The following CTNNA2 variants were observed in gnomAD, a reference collection of about 807,000 sequenced individuals.
CTNNA2 encodes catenin alpha-2.
In CTNNA2, 42 loss-of-function variants were observed where a neutral mutation model predicts 101.0. The observed-to-expected ratio is 0.42, with a 90% CI of 0.32 to 0.54. The LOEUF is 0.54. Among genes scored for constraint, CTNNA2 ranks in the 20% least tolerant of loss-of-function variants. The pLI is 0.14. For synonymous variants in CTNNA2, 450 were observed against 456.4 expected, an observed-to-expected ratio of 0.99 and a Z score of 0.18; for missense variants, 871 against 1,223.1, an observed-to-expected ratio of 0.71 and a Z score of 4.29.
intron 9 of CTNNA2, among the ~76,000 whole-genome samples, chr2:80,530,024 G>A (rs533976736): frequency 1.3e-5 from 2 of 152,184 alleles, no homozygotes; most frequent in Non-Finnish European, 2.9e-5. Flanking sequence ...TCTAGAGCTA[G>A]CCATGGTCTC....
intron 7 of CTNNA2, among the ~76,000 whole-genome samples, chr2:80,062,183 C>G (rs985470342): frequency 3.9e-5 from 6 of 152,164 alleles, no homozygotes; most frequent in African/African-American, 1.4e-4. Context: ...CTTTTAATTC[C>G]TGTCATTCTC....
chr2:80,477,236 GA>G (rs1685796665), intron 9 of CTNNA2, among the ~76,000 whole-genome samples: 1 of 152,062 alleles, frequency 6.6e-6, no homozygotes, highest in Non-Finnish European at 1.5e-5. Context: ...AACAGGCTTT[GA>G]AAAATGAACA....
At chr2:79,785,272 C>A (rs1048377767) in intron 3 of CTNNA2, among the ~76,000 whole-genome samples, 5 of 152,106 alleles carry the variant, frequency 3.3e-5, no homozygotes, top group Non-Finnish European at 4.4e-5. Context: ...TTGTACTGTG[C>A]TTAGTTCTCT....
At chr2:79,550,467 A>G (rs1050985742) in intron 1 of CTNNA2, among the ~76,000 whole-genome samples, 1 of 152,144 alleles carries the variant, frequency 6.6e-6, no homozygotes, top group Non-Finnish European at 1.5e-5. Flanking sequence ...TGAAAGGAGG[A>G]TGTAGGCCTC....
At chr2:79,424,031 TAAG>T (rs1421194760) in intron 4 of CTNNA2, among the ~76,000 whole-genome samples, 1 of 151,972 alleles carries the variant, frequency 6.6e-6, no homozygotes, top group African/African-American at 2.4e-5. Context: ...CAAAAAATAA[TAAG>T]TTGTTTCTCT....
intron 1 of CTNNA2, among the ~76,000 whole-genome samples, chr2:79,574,876 T>C (rs998269304): frequency 2.0e-5 from 3 of 152,186 alleles, no homozygotes; most frequent in Non-Finnish European, 4.4e-5. Flanking sequence ...CTCACCATCA[T>C]TTATTTTCTG....
chr2:80,416,358 T>A (rs1283143527), intron 8 of CTNNA2, among the ~76,000 whole-genome samples: 2 of 152,188 alleles, frequency 1.3e-5, no homozygotes, highest in African/African-American at 4.8e-5. Flanking sequence ...ATTTTATTTG[T>A]CAATTATACC....
chr2:80,406,108 A>T (rs1679027544), intron 8 of CTNNA2, among the ~76,000 whole-genome samples: 1 of 152,202 alleles, frequency 6.6e-6, no homozygotes, highest in African/African-American at 2.4e-5. Context: ...CTGTAATGCC[A>T]GCATTTTGGG....
intron 9 of CTNNA2, among the ~76,000 whole-genome samples, chr2:80,478,348 T>A (rs1244903738): frequency 6.6e-6 from 1 of 152,170 alleles, no homozygotes; most frequent in Admixed American, 6.6e-5. Flanking sequence ...ATAGGTGGTC[T>A]TTTTATCTGT....
chr2:79,451,369 G>T (rs1172931373), intron 4 of CTNNA2, among the ~76,000 whole-genome samples: 8 of 151,906 alleles, frequency 5.3e-5, no homozygotes, highest in African/African-American at 1.9e-4. Context: ...ATACGTTTTT[G>T]AAAAATTTTA....
At chr2:79,773,367 T>G (rs573755477) in intron 3 of CTNNA2, among the ~76,000 whole-genome samples, 5 of 152,320 alleles carry the variant, frequency 3.3e-5, no homozygotes, top group East Asian at 3.9e-4. Flanking sequence ...TGGTTAGGGC[T>G]CAGCTTAGTT....
At chr2:80,266,855 T>C (rs1673040524) in intron 7 of CTNNA2, among the ~76,000 whole-genome samples, 1 of 152,162 alleles carries the variant, frequency 6.6e-6, no homozygotes, top group Non-Finnish European at 1.5e-5. Flanking sequence ...TAAAACTCTC[T>C]GGATGTTCTG....
At chr2:79,982,305 A>AC (rs1691390230) in intron 7 of CTNNA2, among the ~76,000 whole-genome samples, 3 of 133,690 alleles carry the variant, frequency 2.2e-5, no homozygotes, top group Admixed American at 1.5e-4. Flanking sequence ...AACATATATA[A>AC]AACATATATA....
At chr2:80,258,880 G>T (rs542442000) in intron 7 of CTNNA2, among the ~76,000 whole-genome samples, 1 of 152,048 alleles carries the variant, frequency 6.6e-6, no homozygotes, top group African/African-American at 2.4e-5. Context: ...TGCTCTTACC[G>T]CCTCACTTCC....
intron 7 of CTNNA2, among the ~76,000 whole-genome samples, chr2:80,115,831 G>A (rs1320487062): frequency 3.3e-5 from 5 of 152,110 alleles, no homozygotes; most frequent in African/African-American, 1.2e-4. Flanking sequence ...AACAGTTAAG[G>A]AAGGAGTTCT....
At chr2:80,174,176 G>A (rs983887344) in intron 7 of CTNNA2, among the ~76,000 whole-genome samples, 13 of 152,180 alleles carry the variant, frequency 8.5e-5, no homozygotes, top group African/African-American at 2.9e-4. Context: ...TGCCTTATCC[G>A]ATAGATAAGT....
At chr2:80,358,811 T>C (rs1665566477) in intron 7 of CTNNA2, among the ~76,000 whole-genome samples, 1 of 152,126 alleles carries the variant, frequency 6.6e-6, no homozygotes, top group Admixed American at 6.5e-5. Context: ...ATGTTAACAT[T>C]GTAAAATAAA....
chr2:80,487,326 G>C (rs1174944800), intron 9 of CTNNA2, among the ~76,000 whole-genome samples: 1 of 151,012 alleles, frequency 6.6e-6, no homozygotes, highest in Non-Finnish European at 1.5e-5. Flanking sequence ...AATTAAGTCT[G>C]TATAGTTGTA....
At chr2:80,022,995 T>G (rs1191081544) in intron 7 of CTNNA2, among the ~76,000 whole-genome samples, 1 of 152,190 alleles carries the variant, frequency 6.6e-6, no homozygotes, top group African/African-American at 2.4e-5. Context: ...ACCATCAGAT[T>G]CCATCTGCTG....
Sources: gnomAD v4.1 joint callset for allele counts (sites outside exome capture counted in the v4.1 genomes callset) on GRCh38, gnomAD v4.1.1 for gene constraint, MANE v1.5 for transcripts, NCBI Gene and HGNC (gene_info 2026-07-23, HGNC 2026-07-21) for gene names.